LDHC: variants seen among roughly 807,000 people sequenced by gnomAD.
The protein encoded by LDHC is L-lactate dehydrogenase C chain.
LDHC carries 20 observed loss-of-function variants against 30.2 expected under a neutral mutation model. The ratio of observed to expected loss-of-function variants is 0.66; its 90% CI spans 0.47 to 0.96. LDHC has a LOEUF of 0.96. LDHC is among the 40% of genes least tolerant of loss of function. The probability of loss-of-function intolerance (pLI) is 0.00; values close to 1 mark genes in which losing one functional copy is unlikely to be tolerated. For synonymous variants in LDHC, 139 were observed against 132.7 expected (o/e 1.05, Z -0.32); for missense variants, 362 against 394.9 (o/e 0.92, Z 0.71).
intron 3 of LDHC, among the ~76,000 whole-genome samples, chr11:18,419,872 G>A (rs1867086656): frequency 6.6e-6 from 1 of 152,092 alleles, no homozygotes; most frequent in African/African-American, 2.4e-5. Context: ...CAGGTGGATT[G>A]GTTGAGGTCA....
intron 4 of LDHC, among the ~76,000 whole-genome samples, chr11:18,433,317 C>G (rs563793131): frequency 6.6e-6 from 1 of 151,506 alleles, no homozygotes; most frequent in Non-Finnish European, 1.5e-5. Flanking sequence ...ACCTGGGAGG[C>G]AGAGGTTGCA....
intron 6 of LDHC, among the ~76,000 whole-genome samples, chr11:18,440,212 G>A (rs1360875687): frequency 2.6e-5 from 4 of 151,586 alleles, no homozygotes; most frequent in Non-Finnish European, 4.4e-5. Context: ...TACTCAGGAG[G>A]CTGCGGCAGG....
chr11:18,418,202 C>A (rs1447258952), intron 3 of LDHC, among the ~76,000 whole-genome samples: 1 of 149,358 alleles, frequency 6.7e-6, no homozygotes, highest in Non-Finnish European at 1.5e-5. Context: ...TATTTAGTGA[C>A]TTATATTATC....
intron 7 of LDHC, among the ~76,000 whole-genome samples, chr11:18,447,855 G>GC (rs1848581326): frequency 6.6e-6 from 1 of 151,994 alleles, no homozygotes; most frequent in Admixed American, 6.6e-5. Context: ...TTTGAGACCA[G>GC]CTGGTCAACA....
intron 6 of LDHC, 72 bp from the exon 7 acceptor site, chr11:18,446,138 G>T: frequency 1.6e-6 from 2 of 1,270,258 alleles, no homozygotes; most frequent in South Asian, 1.2e-5. Flanking sequence ...TAAAATGGAT[G>T]CTTGAAGAAT....
At chr11:18,421,306 C>T (rs935166153) in intron 3 of LDHC, among the ~76,000 whole-genome samples, 3 of 151,964 alleles carry the variant, frequency 2.0e-5, no homozygotes, top group African/African-American at 7.2e-5. Context: ...CTGCCCGCTT[C>T]GGCTTCCCAA....
rs76654098 is a variant in LDHC at position 18,413,909 on chromosome 11, G to A, written c.126+1066G>A. Among the ~76,000 whole-genome samples, 749 of 152,336 alleles carry A rather than the reference G, an allele frequency of 4.9e-3. 10 individuals carry two copies. The highest frequency in any genetic ancestry group is 0.017 in the African/African-American group (722 of 41,582). On this transcript the variant is annotated intron_variant, in intron 2 of 7. Transcript: ENST00000541669. Reference sequence around the variant, plus strand: ...TAAATTAGGGTAAGCAGAAAAAGACGAAATATTGTTCATGTAACTGGAAAT... The same window carrying A: ...TAAATTAGGGTAAGCAGAAAAAGACAAAATATTGTTCATGTAACTGGAAAT...
chr11:18,413,220 CA>C (rs1866933918), intron 2 of LDHC, among the ~76,000 whole-genome samples: 1 of 148,858 alleles, frequency 6.7e-6, no homozygotes, highest in Non-Finnish European at 1.5e-5. Context: ...TAACTGGGGC[CA>C]CAGGCATGCA....
At chr11:18,437,886 G>A (rs1043559071) in intron 5 of LDHC, among the ~76,000 whole-genome samples, 38 of 151,614 alleles carry the variant, frequency 2.5e-4, no homozygotes, top group African/African-American at 7.0e-4. Context: ...CCAACATAGC[G>A]AAACCCCATC....
At chr11:18,415,588 C>T (rs929386781) in intron 3 of LDHC, among the ~76,000 whole-genome samples, 9 of 152,156 alleles carry the variant, frequency 5.9e-5, no homozygotes, top group Non-Finnish European at 1.5e-5. Flanking sequence ...TGCGCCACCA[C>T]GCCTGGCTAA....
chr11:18,420,093 A>T (rs1343678637), intron 3 of LDHC, among the ~76,000 whole-genome samples: 1 of 116,588 alleles, frequency 8.6e-6, no homozygotes, highest in Non-Finnish European at 1.8e-5. Context: ...ACTCCGTCTT[A>T]GAACAACAAC....
chr11:18,450,867 C>T (rs1474916139), intron 7 of LDHC, 96 bp from the exon 8 acceptor site: 3 of 877,036 alleles, frequency 3.4e-6, no homozygotes, highest in South Asian at 1.7e-5. Context: ...TTGTTGAATG[C>T]TTTAGTCTCT....
At chr11:18,438,129 G>A (rs1215727285) in intron 5 of LDHC, among the ~76,000 whole-genome samples, 2 of 152,162 alleles carry the variant, frequency 1.3e-5, no homozygotes, top group African/African-American at 4.8e-5. Flanking sequence ...GCTTCTGCAG[G>A]TTGTACAGGC....
intron 3 of LDHC, among the ~76,000 whole-genome samples, chr11:18,415,958 G>A (rs961798283): frequency 6.6e-6 from 1 of 152,180 alleles, no homozygotes; most frequent in African/African-American, 2.4e-5. Flanking sequence ...GCCTTCCAAA[G>A]TGCTGGAATT....
chr11:18,423,211 A>C (rs1175363153), intron 3 of LDHC, among the ~76,000 whole-genome samples: 1 of 152,158 alleles, frequency 6.6e-6, no homozygotes, highest in Non-Finnish European at 1.5e-5. Flanking sequence ...CTGTAGTCCC[A>C]GCTACTCAAG....
At chr11:18,421,979 C>CCAGGCG (rs1848067252) in intron 3 of LDHC, among the ~76,000 whole-genome samples, 11 of 151,160 alleles carry the variant, frequency 7.3e-5, no homozygotes, top group African/African-American at 2.5e-4. Flanking sequence ...CAAAAATTAG[C>CCAGGCG]TGCATGTGGT....
intron 7 of LDHC, among the ~76,000 whole-genome samples, chr11:18,449,188 T>C (rs988108817): frequency 1.3e-5 from 2 of 151,968 alleles, no homozygotes; most frequent in African/African-American, 4.8e-5. Flanking sequence ...AAGCTTCAAA[T>C]GTCACAGAGG....
At position 18,451,155 on chromosome 11, in the gene LDHC, T is replaced by C. The variant is rs762276735; in HGVS notation, c.*28T>C. 5.0e-5 allele frequency: 68 copies of C among 1,356,948 alleles called. No individual in the cohort carries two copies. Among genetic ancestry groups the C allele is most frequent in the Non-Finnish European group, 6.4e-5 (65 of 1,016,382 alleles). 84.1% of individuals were successfully genotyped at this position (1,356,948 alleles called of 1,614,324 possible). A position where few individuals can be genotyped will look rare whatever the true frequency, so the allele number is the denominator to read the frequency against. The stretch of plus-strand genomic sequence containing the variant: ...TAAAGCCTTCTAATGTTCCACTGTT[T>C]GGAGAACAGAAGATAGCAGGCTGTG... On this transcript the variant is annotated 3_prime_UTR_variant, in exon 8 of 8. Transcript: ENST00000541669.
At chr11:18,443,000 A>G (rs1848494250) in intron 6 of LDHC, among the ~76,000 whole-genome samples, 2 of 152,148 alleles carry the variant, frequency 1.3e-5, no homozygotes, top group Non-Finnish European at 2.9e-5. Flanking sequence ...TAAGTATCAC[A>G]TCAATTGAAA....
Sources: allele counts gnomAD v4.1 joint callset (sites outside exome capture counted in the v4.1 genomes callset), GRCh38; gene constraint gnomAD v4.1.1; transcripts MANE v1.5; gene names NCBI Gene and HGNC (gene_info 2026-07-23, HGNC 2026-07-21).